Variants in PLCE1 observed in about 807,000 individuals in gnomAD.
PLCE1 encodes 1-phosphatidylinositol 4,5-bisphosphate phosphodiesterase epsilon-1.
In PLCE1, 119 loss-of-function variants were observed where a neutral mutation model predicts 242.8. The ratio of observed to expected loss-of-function variants is 0.49; its 90% CI spans 0.42 to 0.57. The LOEUF (loss-of-function observed/expected upper bound fraction) is 0.57, where lower values mean the gene tolerates loss of function less well. Ranked by LOEUF, PLCE1 falls within the 20% of genes least tolerant of loss-of-function variation. The pLI, the probability that PLCE1 is intolerant of heterozygous loss-of-function variation, is 0.00. For missense variants in PLCE1, 2,441 were observed against 2,788.8 expected (o/e 0.88, Z 2.81); for synonymous variants, 945 against 1,017.4 (o/e 0.93, Z 1.35).
intron 1 of PLCE1, among the ~76,000 whole-genome samples, chr10:94,015,108 T>C (rs1364814281): frequency 1.3e-5 from 2 of 152,244 alleles, no homozygotes; most frequent in Non-Finnish European, 2.9e-5. Flanking sequence ...GTCATCTTGG[T>C]ACATACCTCA....
intron 2 of PLCE1, among the ~76,000 whole-genome samples, chr10:94,065,341 G>A (rs1025887232): frequency 6.6e-6 from 1 of 152,182 alleles, no homozygotes; most frequent in Non-Finnish European, 1.5e-5. Context: ...CATAGCTCAT[G>A]TATGACACTT....
At chr10:94,104,088 G>A (rs993767687) in intron 2 of PLCE1, 1 of 152,228 alleles carries the variant, frequency 6.6e-6, no homozygotes, top group African/African-American at 2.4e-5. Context: ...AAGAGAGGAA[G>A]TGTTCTTTAA....
chr10:94,249,827 C>T (rs2050811772), intron 8 of PLCE1, among the ~76,000 whole-genome samples: 2 of 152,004 alleles, frequency 1.3e-5, no homozygotes, highest in South Asian at 2.1e-4. Context: ...ACTGATGGCC[C>T]ATAATCCTGG....
intron 10 of PLCE1, 98 bp downstream of exon 10, chr10:94,254,405 C>T: frequency 1.2e-6 from 1 of 830,486 alleles, no homozygotes; most frequent in Admixed American, 1.9e-5. Flanking sequence ...GCATTGCAAA[C>T]ATTTCTAACA....
intron 1 of PLCE1, among the ~76,000 whole-genome samples, chr10:94,023,344 G>C (rs1244704871): frequency 6.6e-6 from 1 of 152,176 alleles, no homozygotes; most frequent in Non-Finnish European, 1.5e-5. Flanking sequence ...TGGGTCTAGT[G>C]CCATCTAAAA....
At chr10:94,019,094 A>G (rs758967038) in intron 1 of PLCE1, among the ~76,000 whole-genome samples, 16 of 152,218 alleles carry the variant, frequency 1.1e-4, no homozygotes, top group East Asian at 1.9e-4. Flanking sequence ...TGAGAATTAC[A>G]TGAGAAACTT....
chr10:94,315,538 G>A, intron 28 of PLCE1: 1 of 455,646 alleles, frequency 2.2e-6, no homozygotes, highest in Non-Finnish European at 4.4e-6. Flanking sequence ...GGAGGCCGAG[G>A]CGGGCAGATC....
intron 3 of PLCE1, among the ~76,000 whole-genome samples, chr10:94,132,754 T>G (rs560645028): frequency 4.0e-4 from 61 of 152,088 alleles, no homozygotes; most frequent in Middle Eastern, 3.4e-3. Context: ...ATCGAGACCA[T>G]CCTGGCCAAC....
At chr10:94,076,169 G>T (rs1157437852) in intron 2 of PLCE1, among the ~76,000 whole-genome samples, 4 of 151,934 alleles carry the variant, frequency 2.6e-5, no homozygotes, top group Non-Finnish European at 5.9e-5. Flanking sequence ...TCCATGCTAA[G>T]CTGCTTCTGC....
intron 8 of PLCE1, among the ~76,000 whole-genome samples, chr10:94,247,114 GAAAA>G (rs398014491): frequency 2.3e-3 from 230 of 100,400 alleles, no homozygotes; most frequent in Admixed American, 3.6e-3. Flanking sequence ...TCTGTCTCAG[GAAAA>G]AAAAAAAAAA....
chr10:94,008,388 A>G (rs2061091400), intron 1 of PLCE1, among the ~76,000 whole-genome samples: 2 of 151,992 alleles, frequency 1.3e-5, no homozygotes, highest in Admixed American at 1.3e-4. Context: ...AGCTCACTAC[A>G]ACCTCCACCT....
intron 5 of PLCE1, among the ~76,000 whole-genome samples, chr10:94,232,664 C>A (rs540805889): frequency 1.3e-5 from 2 of 152,182 alleles, no homozygotes; most frequent in Admixed American, 1.3e-4. Flanking sequence ...TTCCTCACCC[C>A]CTGGGGTCCT....
intron 1 of PLCE1, among the ~76,000 whole-genome samples, chr10:94,010,975 T>C (rs2061156392): frequency 6.6e-6 from 1 of 152,168 alleles, no homozygotes; most frequent in Non-Finnish European, 1.5e-5. Flanking sequence ...ATTTCCCATT[T>C]CCAAAGCCAC....
In PLCE1 at chr10:94,254,897, G is replaced by A. The variant is rs2132865301; in HGVS notation, c.3402G>A (p.Val1134=). The A allele has an allele frequency of 6.2e-7, 1 of 1,614,032 alleles. No homozygotes were observed. The highest frequency in any genetic ancestry group is 8.5e-7 in the Non-Finnish European group (1 of 1,179,932). Residue 1134 remains valine, a synonymous_variant, in exon 11 of 33, where the codon GTG becomes GTA. Transcript: ENST00000371380. ...QDINEQEESE[V]NAIANPPNPL... ...TTCTGTCTTTCATCCTCACAGAGGTGAATGCCATCGCTAACCCTCCAAACC... is the reference window on the plus strand; with the variant it reads ...TTCTGTCTTTCATCCTCACAGAGGTAAATGCCATCGCTAACCCTCCAAACC...
intron 3 of PLCE1, chr10:94,137,817 AC>A: frequency 4.5e-6 from 1 of 223,986 alleles, no homozygotes; most frequent in Non-Finnish European, 9.0e-6. Flanking sequence ...GGACAAAGCC[AC>A]CCAATGAAGC....
chr10:94,162,298 G>A (rs2047643766), intron 3 of PLCE1, among the ~76,000 whole-genome samples: 1 of 151,962 alleles, frequency 6.6e-6, no homozygotes, highest in Non-Finnish European at 1.5e-5. Flanking sequence ...GACTTTTTTT[G>A]GTTGGTAACC....
At chr10:94,036,344 A>G (rs143635041) in intron 2 of PLCE1, among the ~76,000 whole-genome samples, 2,616 of 152,278 alleles carry the variant, frequency 0.017, 39 homozygotes, top group Middle Eastern at 0.054. Flanking sequence ...ATGTTTCTCA[A>G]TCTATAATGA....
intron 1 of PLCE1, among the ~76,000 whole-genome samples, chr10:93,998,493 A>G (rs2060872449): frequency 6.6e-6 from 1 of 152,198 alleles, no homozygotes; most frequent in Non-Finnish European, 1.5e-5. Context: ...AAGATTCTCT[A>G]GAATCAAATT....
intron 7 of PLCE1, among the ~76,000 whole-genome samples, chr10:94,237,683 A>G (rs2137359267): frequency 6.6e-6 from 1 of 152,308 alleles, no homozygotes; most frequent in Middle Eastern, 3.4e-3. Context: ...ACCTCAAGTG[A>G]CTGCTACTCT....
Sources: allele counts gnomAD v4.1 joint callset (sites outside exome capture counted in the v4.1 genomes callset), GRCh38; gene constraint gnomAD v4.1.1; transcripts MANE v1.5; gene names NCBI Gene and HGNC (gene_info 2026-07-23, HGNC 2026-07-21).